Variants in OPCML observed in about 807,000 individuals in gnomAD.
The protein encoded by OPCML is opioid binding protein/cell adhesion molecule like.
Under a neutral mutation model 37.8 loss-of-function variants are expected in OPCML, and 13 were observed. The observed-to-expected ratio is 0.34, with a 90% confidence interval of 0.22 to 0.55. The LOEUF (loss-of-function observed/expected upper bound fraction) is 0.55. Ranked by LOEUF, OPCML falls within the 20% of genes least tolerant of loss-of-function variation. The pLI is 0.91. For missense variants in OPCML, 341 were observed against 435.6 expected, an observed-to-expected ratio of 0.78 and a Z score of 1.93; for synonymous variants, 176 against 168.8, an observed-to-expected ratio of 1.04 and a Z score of -0.33.
At chr11:132,927,827 G>T (rs778801857) in intron 2 of OPCML, among the ~76,000 whole-genome samples, 14 of 151,960 alleles carry the variant, frequency 9.2e-5, no homozygotes, top group Non-Finnish European at 1.8e-4. Flanking sequence ...CATATAGGGG[G>T]ATCCAAGCTG....
intron 3 of OPCML, among the ~76,000 whole-genome samples, chr11:132,530,670 C>T (rs1025919774): frequency 1.3e-5 from 2 of 151,974 alleles, no homozygotes; most frequent in African/African-American, 4.8e-5. Flanking sequence ...CAGCACATGG[C>T]ACACACTCTA....
At chr11:133,118,786 C>T (rs1007544478) in intron 1 of OPCML, among the ~76,000 whole-genome samples, 1 of 152,168 alleles carries the variant, frequency 6.6e-6, no homozygotes, top group Non-Finnish European at 1.5e-5. Context: ...TATTCCTGGC[C>T]ATGCCTCCCT....
chr11:132,819,694 ATATT>A (rs1351896296), intron 2 of OPCML, among the ~76,000 whole-genome samples: 2 of 152,196 alleles, frequency 1.3e-5, no homozygotes, highest in Non-Finnish European at 2.9e-5. Flanking sequence ...TATGATATCA[ATATT>A]TATTTCTGAG....
At chr11:132,620,235 C>A (rs1939318116) in intron 3 of OPCML, among the ~76,000 whole-genome samples, 1 of 152,172 alleles carries the variant, frequency 6.6e-6, no homozygotes, top group African/African-American at 2.4e-5. Context: ...TATACTAATG[C>A]ATTGAAACTC....
chr11:132,666,983 A>G (rs1301897994), intron 2 of OPCML, among the ~76,000 whole-genome samples: 1 of 152,226 alleles, frequency 6.6e-6, no homozygotes, highest in Non-Finnish European at 1.5e-5. Context: ...GTGAGAGTAC[A>G]GTCACATGAT....
Position 133,174,278 on chromosome 11 carries a change from A to G in OPCML, c.62-231268T>C, listed in dbSNP as rs146318344. On this transcript the variant is annotated intron_variant, in intron 1 of 7. Coordinates refer to ENST00000524381, the MANE Select transcript of OPCML (RefSeq NM_001012393.5). This position sits in a 1 kb window ranked among gnomAD's most constrained non-coding sequence, Gnocchi z 4.6. ...ATGATTAGAACCAAGCCTTCCTGCC[A>G]AACGTAGAGACCTGGAGAGAGAGGA... 1.6e-3 allele frequency among the ~76,000 whole-genome samples: 243 copies of G among 152,296 alleles called. 1 individual carries two copies. The highest frequency in any genetic ancestry group is 5.6e-3 in the African/African-American group (234 of 41,584).
At chr11:132,962,930 G>A (rs573109382) in intron 1 of OPCML, among the ~76,000 whole-genome samples, 1 of 152,294 alleles carries the variant, frequency 6.6e-6, no homozygotes, top group East Asian at 1.9e-4. Flanking sequence ...TAGATAAGAA[G>A]ACAAAACAGA....
At chr11:132,431,991 T>C (rs987680866) in intron 7 of OPCML, among the ~76,000 whole-genome samples, 6 of 152,192 alleles carry the variant, frequency 3.9e-5, no homozygotes, top group Non-Finnish European at 8.8e-5. Context: ...CCAAGAAGAC[T>C]AATTGCTGAT....
At chr11:133,316,216 T>G (rs971787068) in intron 1 of OPCML, among the ~76,000 whole-genome samples, 1 of 151,796 alleles carries the variant, frequency 6.6e-6, no homozygotes, top group African/African-American at 2.4e-5. Flanking sequence ...AAGACTGAGG[T>G]GGTTGAAGCA....
At chr11:133,457,423 C>T (rs1591520690) in intron 1 of OPCML, among the ~76,000 whole-genome samples, 2 of 151,884 alleles carry the variant, frequency 1.3e-5, no homozygotes, top group East Asian at 3.9e-4. Flanking sequence ...CCTGTAGTCC[C>T]AACTACTTGG....
At position 133,451,586 on chromosome 11, in the gene OPCML, G is replaced by A. The variant is rs565362698; in HGVS notation, c.61+80678C>T. On this transcript the variant is annotated intron_variant, in intron 1 of 7. Coordinates refer to ENST00000524381, the MANE Select transcript of OPCML (RefSeq NM_001012393.5). ...AGGCTGAGCGTGGTGGCTCATGCCT[G>A]TAATCCAGCGCTTTGGGAGGCCGAG... is the stretch of plus-strand genomic sequence containing the variant. 5.3e-3 allele frequency among the ~76,000 whole-genome samples: 797 copies of A among 151,784 alleles called. 37 individuals carry two copies. Among genetic ancestry groups the A allele is most frequent in the African/African-American group, 0.018 (740 of 41,058 alleles).
At chr11:132,629,155 C>G (rs1308790880) in intron 3 of OPCML, among the ~76,000 whole-genome samples, 2 of 152,094 alleles carry the variant, frequency 1.3e-5, no homozygotes, top group African/African-American at 4.8e-5. Flanking sequence ...CTTCCCAGCC[C>G]AACCTGGTGC....
At position 132,710,314 on chromosome 11, in the gene OPCML, A is replaced by G. The variant is rs550564763; in HGVS notation, c.147-52995T>C. On this transcript the variant is annotated intron_variant, in intron 2 of 7. Coordinates refer to ENST00000524381, the MANE Select transcript of OPCML (RefSeq NM_001012393.5). ...TAAAATAGCATAGTATGTCTACTTT[A>G]GGGTTTATGGTATTTTTTGGGATAC... is the stretch of plus-strand genomic sequence containing the variant. Among the ~76,000 whole-genome samples the G allele has an allele frequency of 5.3e-5, 8 of 152,308 alleles. No individual in the cohort carries two copies. In the South Asian group the frequency reaches 1.7e-3, roughly 32 times the overall value.
At chr11:133,304,103 T>A (rs1942851062) in intron 1 of OPCML, among the ~76,000 whole-genome samples, 1 of 152,186 alleles carries the variant, frequency 6.6e-6, no homozygotes, top group Admixed American at 6.5e-5. Flanking sequence ...AATTTAGAGA[T>A]GTTCGCACAA....
chr11:133,040,995 C>T (rs534631210), intron 1 of OPCML, among the ~76,000 whole-genome samples: 16 of 152,172 alleles, frequency 1.1e-4, no homozygotes, highest in African/African-American at 1.9e-4. Context: ...TATGGGGGCT[C>T]GGACTATAAA....
At chr11:133,220,096 C>T (rs147335561) in intron 1 of OPCML, among the ~76,000 whole-genome samples, 1 of 152,134 alleles carries the variant, frequency 6.6e-6, no homozygotes, top group Non-Finnish European at 1.5e-5. Context: ...GTTGAGGAAG[C>T]TTCAACACCC....
At chr11:133,141,232 C>T (rs1949819773) in intron 1 of OPCML, among the ~76,000 whole-genome samples, 1 of 151,930 alleles carries the variant, frequency 6.6e-6, no homozygotes, top group African/African-American at 2.4e-5. Context: ...CCAAGCCGGG[C>T]TCTCGCATGA....
At chr11:133,157,572 G>T (rs1186087101) in intron 1 of OPCML, among the ~76,000 whole-genome samples, 2 of 152,106 alleles carry the variant, frequency 1.3e-5, no homozygotes, top group African/African-American at 4.8e-5. Context: ...CTTTTTCTCA[G>T]CTCCCCTCTC....
chr11:132,485,744 A>G (rs899875614), intron 4 of OPCML, among the ~76,000 whole-genome samples: 1 of 152,172 alleles, frequency 6.6e-6, no homozygotes, highest in Non-Finnish European at 1.5e-5. Context: ...TTTTCTTTTT[A>G]TTGCTGAGTA....
Sources: allele counts gnomAD v4.1 joint callset (sites outside exome capture counted in the v4.1 genomes callset), GRCh38; gene constraint gnomAD v4.1.1; non-coding constraint Gnocchi (gnomAD v3.1); transcripts MANE v1.5; gene names NCBI Gene and HGNC (gene_info 2026-07-23, HGNC 2026-07-21).